LOC400499: variants seen among roughly 807,000 people sequenced by gnomAD.
At chr16:11,450,604 C>G in the LOC400499 span, 1 of 1,535,756 alleles carries the variant, frequency 6.5e-7, no homozygotes, top group Non-Finnish European at 8.7e-7. Context: ...CCGAGCACTG[C>G]TCACCCGGAG....
the LOC400499 span, chr16:11,485,219 G>A: frequency 2.0e-5 from 8 of 397,330 alleles, no homozygotes; most frequent in South Asian, 1.4e-4. Flanking sequence ...GCTGAGGTTC[G>A]GGGACACAAC....
chr16:11,522,777 G>T, the LOC400499 span, among the ~76,000 whole-genome samples: 1 of 152,138 alleles, frequency 6.6e-6, no homozygotes, highest in African/African-American at 2.4e-5. Context: ...AGGGGTTAGG[G>T]TGGGTTGTTA....
the LOC400499 span, among the ~76,000 whole-genome samples, chr16:11,449,401 T>C: frequency 2.0e-5 from 3 of 152,284 alleles, no homozygotes; most frequent in East Asian, 5.8e-4. Context: ...CTATTACTAG[T>C]AGCCAGGGTG....
At chr16:11,400,364 C>T in the LOC400499 span, among the ~76,000 whole-genome samples, 311 of 152,290 alleles carry the variant, frequency 2.0e-3, 2 homozygotes, top group African/African-American at 7.1e-3. Context: ...CCGCCTCCCC[C>T]ATGAGGCTCT....
At chr16:11,479,462 T>C in the LOC400499 span, among the ~76,000 whole-genome samples, 3 of 84,380 alleles carry the variant, frequency 3.6e-5, no homozygotes, top group African/African-American at 3.0e-4. Context: ...AATTAAAAAA[T>C]TAAAAAAAAA....
At chr16:11,472,038 C>T in the LOC400499 span, 10 of 385,966 alleles carry the variant, frequency 2.6e-5, no homozygotes, top group East Asian at 3.0e-4. Flanking sequence ...TATTTGGGGG[C>T]TGTCCTGTGC....
At chr16:11,472,945 T>C in the LOC400499 span, 1 of 151,720 alleles carries the variant, frequency 6.6e-6, no homozygotes, top group East Asian at 1.9e-4. Flanking sequence ...CTGGCCAACA[T>C]AGGAAAAGCC....
the LOC400499 span, among the ~76,000 whole-genome samples, chr16:11,377,608 C>T: frequency 3.9e-5 from 6 of 152,318 alleles, no homozygotes; most frequent in East Asian, 1.2e-3. Context: ...TGATATCTTA[C>T]ATTGATTTTT....
At chr16:11,461,990 T>C in the LOC400499 span, 65 of 870,608 alleles carry the variant, frequency 7.5e-5, no homozygotes, top group Non-Finnish European at 9.9e-5. Context: ...GGAGCTTGGA[T>C]CTGCCCTTGG....
At chr16:11,396,499 C>T in the LOC400499 span, 3 of 1,232,232 alleles carry the variant, frequency 2.4e-6, no homozygotes, top group South Asian at 1.2e-4. Flanking sequence ...CAGCCCCATC[C>T]TGGCCACTGA....
the LOC400499 span, among the ~76,000 whole-genome samples, chr16:11,451,306 G>A: frequency 2.6e-5 from 4 of 152,160 alleles, no homozygotes; most frequent in Non-Finnish European, 4.4e-5. Flanking sequence ...AAGGTCAAGC[G>A]CAGTGGCTCA....
the LOC400499 span, chr16:11,396,814 G>T: frequency 4.4e-6 from 3 of 679,032 alleles, no homozygotes; most frequent in African/African-American, 1.9e-5. Flanking sequence ...TGACCTCTAA[G>T]AAACGCAAAT....
the LOC400499 span, among the ~76,000 whole-genome samples, chr16:11,497,545 A>G: frequency 6.6e-6 from 1 of 152,232 alleles, no homozygotes; most frequent in Non-Finnish European, 1.5e-5. Flanking sequence ...CCTGTCCCAG[A>G]CCAAAGCTGG....
the LOC400499 span, chr16:11,459,964 T>C: frequency 6.6e-7 from 1 of 1,514,382 alleles, no homozygotes. Context: ...CGGAGATGCC[T>C]CTTGTTGCTG....
chr16:11,383,533 G>GA, the LOC400499 span: 1 of 1,150,850 alleles, frequency 8.7e-7, no homozygotes, highest in Non-Finnish European at 1.1e-6. Flanking sequence ...TTAGCTCCTT[G>GA]AATGACAATT....
the LOC400499 span, among the ~76,000 whole-genome samples, chr16:11,497,655 C>A: frequency 6.6e-6 from 1 of 152,178 alleles, no homozygotes. Flanking sequence ...GTGGCCCTGC[C>A]AGGACAACTG....
At chr16:11,479,929 C>T in the LOC400499 span, among the ~76,000 whole-genome samples, 1 of 152,126 alleles carries the variant, frequency 6.6e-6, no homozygotes, top group African/African-American at 2.4e-5. Context: ...GATTGTTTTT[C>T]ATGCCACGTA....
At chr16:11,487,226 G>C in the LOC400499 span, 5 of 398,674 alleles carry the variant, frequency 1.3e-5, no homozygotes, top group South Asian at 1.3e-4. Context: ...GTCTAGGAGA[G>C]GCCCTGCAGA....
At chr16:11,458,759 G>A in the LOC400499 span, among the ~76,000 whole-genome samples, 1 of 152,062 alleles carries the variant, frequency 6.6e-6, no homozygotes, top group African/African-American at 2.4e-5. Context: ...AATATGGCCG[G>A]GTGTGGTGGC....
Sources: allele counts gnomAD v4.1 joint callset (sites outside exome capture counted in the v4.1 genomes callset), GRCh38; gene constraint gnomAD v4.1.1; transcripts MANE v1.5.